AIRIM: variants seen among roughly 807,000 people sequenced by gnomAD.
AIRIM encodes AFG2-interacting ribosome maturation factor.
chr1:37,683,278 AAGG>A, the AIRIM span: 86 of 1,613,070 alleles, frequency 5.3e-5, 1 homozygote, highest in Non-Finnish European at 1.1e-5. Flanking sequence ...CAGGGAGAGA[AAGG>A]AGGAGAGGAG....
the AIRIM span, chr1:37,690,063 C>G: frequency 7.1e-7 from 1 of 1,411,672 alleles, no homozygotes; most frequent in Non-Finnish European, 9.2e-7. Context: ...GTCGCCCAGG[C>G]TGGAGTGCAG....
chr1:37,686,390 T>C, the AIRIM span: 2 of 1,614,166 alleles, frequency 1.2e-6, no homozygotes, highest in Non-Finnish European at 1.7e-6. Context: ...GTGTTGCTCA[T>C]AGATCTGAAA....
chr1:37,687,081 TG>T, the AIRIM span, among the ~76,000 whole-genome samples: 8 of 150,244 alleles, frequency 5.3e-5, no homozygotes, highest in African/African-American at 1.7e-4. Context: ...TGTGTGTGTG[TG>T]TGTGTGTGTG....
chr1:37,687,141 T>G, the AIRIM span, among the ~76,000 whole-genome samples: 1 of 151,824 alleles, frequency 6.6e-6, no homozygotes, highest in African/African-American at 2.4e-5. Flanking sequence ...TTTGTTTTTT[T>G]ATTGAGATGG....
chr1:37,689,716 C>A, the AIRIM span: 1 of 1,614,022 alleles, frequency 6.2e-7, no homozygotes, highest in African/African-American at 1.3e-5. Context: ...CCTCAAACCG[C>A]AGGTTCTGTG....
chr1:37,689,711 A>T, the AIRIM span: 4 of 1,614,034 alleles, frequency 2.5e-6, no homozygotes, highest in Non-Finnish European at 8.5e-7. Flanking sequence ...CACATCCTCA[A>T]ACCGCAGGTT....
the AIRIM span, among the ~76,000 whole-genome samples, chr1:37,686,760 G>A: frequency 4.6e-5 from 7 of 152,186 alleles, no homozygotes; most frequent in African/African-American, 1.4e-4. Context: ...TGTCTTGGAG[G>A]TACGGGTGGC....
chr1:37,687,075 TG>T, the AIRIM span, among the ~76,000 whole-genome samples: 6 of 142,542 alleles, frequency 4.2e-5, no homozygotes, highest in African/African-American at 1.7e-4. Context: ...TGTGTGTGTG[TG>T]TGTGTGTGTG....
the AIRIM span, among the ~76,000 whole-genome samples, chr1:37,684,961 C>T: frequency 6.6e-6 from 1 of 151,864 alleles, no homozygotes; most frequent in East Asian, 1.9e-4. Context: ...AGTTCAAGAC[C>T]AGCCTGGTCA....
chr1:37,689,646 C>CCAG, the AIRIM span: 2 of 1,612,860 alleles, frequency 1.2e-6, no homozygotes, highest in African/African-American at 2.7e-5. Flanking sequence ...TCACCAGCCA[C>CCAG]CAGCTGCTTA....
At chr1:37,690,453 A>C in the AIRIM span, 1 of 1,264,476 alleles carries the variant, frequency 7.9e-7, no homozygotes, top group Non-Finnish European at 1.0e-6. Flanking sequence ...AAAAGCGGAA[A>C]AACTTAAAAG....
the AIRIM span, chr1:37,681,785 AT>A: frequency 6.6e-6 from 1 of 152,362 alleles, no homozygotes; most frequent in African/African-American, 2.4e-5. Flanking sequence ...AAAAAGGTAA[AT>A]TGTAGATATA....
the AIRIM span, among the ~76,000 whole-genome samples, chr1:37,684,358 G>A: frequency 4.6e-5 from 7 of 152,272 alleles, no homozygotes; most frequent in African/African-American, 7.2e-5. Context: ...AAAATAAGCC[G>A]GGCGCGGTGG....
chr1:37,685,853 T>C, the AIRIM span, among the ~76,000 whole-genome samples: 1 of 152,206 alleles, frequency 6.6e-6, no homozygotes, highest in Non-Finnish European at 1.5e-5. Context: ...TGATGTTTCC[T>C]CTGCCTAGTA....
At chr1:37,690,158 A>G in the AIRIM span, 1 of 1,171,068 alleles carries the variant, frequency 8.5e-7, no homozygotes, top group Non-Finnish European at 1.1e-6. Context: ...CTGGGAATAC[A>G]GGTGCCCGCC....
At chr1:37,690,341 G>T in the AIRIM span, 2 of 1,290,112 alleles carry the variant, frequency 1.6e-6, no homozygotes, top group South Asian at 1.2e-5. Context: ...AACCTGGATA[G>T]GGCAGTCTCC....
chr1:37,686,448 T>C, the AIRIM span: 22 of 1,612,656 alleles, frequency 1.4e-5, no homozygotes, highest in Admixed American at 2.5e-4. Context: ...TTGAGGAGGA[T>C]GGCTCTGCAA....
At chr1:37,687,440 T>TA in the AIRIM span, among the ~76,000 whole-genome samples, 29 of 148,198 alleles carry the variant, frequency 2.0e-4, no homozygotes, top group Admixed American at 4.7e-4. Context: ...CTAATATATA[T>TA]TTTTTTTTAA....
the AIRIM span, chr1:37,682,835 T>G: frequency 8.3e-6 from 3 of 360,984 alleles, no homozygotes; most frequent in Non-Finnish European, 1.0e-5. Flanking sequence ...AAAGACACTA[T>G]GTTCTTCAGC....
Sources: allele counts gnomAD v4.1 joint callset (sites outside exome capture counted in the v4.1 genomes callset), GRCh38; gene constraint gnomAD v4.1.1; transcripts MANE v1.5; gene names NCBI Gene and HGNC (gene_info 2026-07-23, HGNC 2026-07-21).